TSPEAR: variants seen among roughly 807,000 people sequenced by gnomAD.
The protein encoded by TSPEAR is thrombospondin type laminin G domain and EAR repeats.
A neutral mutation model predicts 71.6 loss-of-function variants in TSPEAR; 69 were observed. The observed-to-expected ratio is 0.96, with a 90% CI of 0.79 to 1.18. TSPEAR has a LOEUF of 1.18. Ranked by LOEUF, TSPEAR falls within the 50% of genes most tolerant of loss-of-function variation. The pLI, the probability that TSPEAR is intolerant of heterozygous loss-of-function variation, is 0.00. For missense variants in TSPEAR, 971 were observed against 894.9 expected, an observed-to-expected ratio of 1.09 and a Z score of -1.09; for synonymous variants, 402 against 387.2, an observed-to-expected ratio of 1.04 and a Z score of -0.45.
At chr21:44,616,271 C>G (rs73907067) in intron 1 of TSPEAR, among the ~76,000 whole-genome samples, 1 of 152,152 alleles carries the variant, frequency 6.6e-6, no homozygotes, top group South Asian at 2.1e-4. Context: ...GGGAGGTGGA[C>G]GCTCTCACGG....
At position 44,711,273 on chromosome 21, in the gene TSPEAR, G is replaced by A. The variant is rs541926100; in HGVS notation, c.82+160C>T. Among the ~76,000 whole-genome samples, 8 of 152,122 alleles carry A rather than the reference G, an allele frequency of 5.3e-5. 1 individual carries two copies. The South Asian group carries it at 1.7e-3, about 32-fold the overall frequency. The stretch of plus-strand genomic sequence containing the variant: ...CATCTTCCCCACCTGTGCTCCTCCC[G>A]CCTCTGCCCATCTCCACAGGGTGCT... On this transcript the variant is annotated intron_variant, in intron 1 of 11. Coordinates refer to ENST00000323084, the MANE Select transcript of TSPEAR (RefSeq NM_144991.3). This position sits in a 1 kb window ranked among gnomAD's most constrained non-coding sequence, Gnocchi z 4.5.
intron 11 of TSPEAR, among the ~76,000 whole-genome samples, chr21:44,503,241 C>G (rs2052085362): frequency 7.4e-6 from 1 of 135,214 alleles, no homozygotes; most frequent in Non-Finnish European, 1.6e-5. Context: ...CCTTGGTGAG[C>G]CCACGGGGGG....
Position 44,591,434 on chromosome 21 carries a change from G to A in TSPEAR, c.83-23429C>T, listed in dbSNP as rs139053807. The A allele has an allele frequency of 4.4e-3, 7,127 of 1,610,134 alleles. 270 individuals are homozygous for A. The African/African-American group carries it at 0.088, about 20-fold the overall frequency. ...GAGCAGAGGCTGTAGCAGGCAGGGC[G>A]GGAGCACATGGGGCGGCAGAGGAGG... On this transcript the variant is annotated intron_variant, in intron 1 of 11. Coordinates refer to ENST00000323084, the MANE Select transcript of TSPEAR (RefSeq NM_144991.3).
chr21:44,501,321 C>T (rs1037873961), intron 11 of TSPEAR, among the ~76,000 whole-genome samples: 7 of 152,016 alleles, frequency 4.6e-5, no homozygotes, highest in Admixed American at 6.6e-5. Flanking sequence ...ATGGGCTAGG[C>T]GCAGTGGCTC....
chr21:44,560,520 A>G (rs1236213513), intron 2 of TSPEAR, among the ~76,000 whole-genome samples: 1 of 152,204 alleles, frequency 6.6e-6, no homozygotes, highest in Non-Finnish European at 1.5e-5. Flanking sequence ...CCCCAAATCA[A>G]CAGAAGATAC....
chr21:44,602,698 G>A (rs1981037283), intron 1 of TSPEAR, among the ~76,000 whole-genome samples: 1 of 152,342 alleles, frequency 6.6e-6, no homozygotes, highest in Middle Eastern at 3.4e-3. Flanking sequence ...CAGTCCCCGG[G>A]TACATCACCG....
rs982348524 is a variant in TSPEAR at position 44,531,202 on chromosome 21, C to T, written c.543-69G>A. 34 of 1,264,520 alleles carry T rather than the reference C, an allele frequency of 2.7e-5. No individual in the cohort carries two copies. The East Asian group carries it at 7.2e-4, about 27-fold the overall frequency. The allele number at this position is 1,264,520 out of a possible 1,614,324, so 78.3% of individuals were successfully genotyped here. A position where few individuals can be genotyped will look rare whatever the true frequency, so the allele number is the denominator to read the frequency against. On this transcript the variant is annotated intron_variant, in intron 3 of 11. Coordinates refer to ENST00000323084, the MANE Select transcript of TSPEAR (RefSeq NM_144991.3). Reference sequence around the variant, plus strand: ...CACCCCAGTTTACTCACAGAAGGAACAGGAACAAGCCCCTCACTAAGCAGC... The same window carrying T: ...CACCCCAGTTTACTCACAGAAGGAATAGGAACAAGCCCCTCACTAAGCAGC...
chr21:44,590,356 T>C (rs1412438687), intron 1 of TSPEAR, among the ~76,000 whole-genome samples: 4 of 151,636 alleles, frequency 2.6e-5, no homozygotes, highest in Non-Finnish European at 4.4e-5. Context: ...CCTAGGAGGC[T>C]GGGGGTGTGG....
At chr21:44,564,872 CAT>C (rs1186598199) in intron 2 of TSPEAR, among the ~76,000 whole-genome samples, 90 of 152,060 alleles carry the variant, frequency 5.9e-4, no homozygotes, top group African/African-American at 2.0e-3. Context: ...TAGCATAGGA[CAT>C]ATGTTAGGCC....
Position 44,499,942 on chromosome 21 carries a change from G to A in TSPEAR, c.1857-6C>T. 6.2e-7 allele frequency: 1 copy of A among 1,601,978 alleles called. No individual in the cohort carries two copies. The highest frequency in any genetic ancestry group is 8.5e-7 in the Non-Finnish European group (1 of 1,176,368). Reference sequence around the variant, plus strand: ...AGCCCTCGTAGCCCTGCCACCTGCGGAACAGACAGCGGCAGCCGGGTCAGC... The same window carrying A: ...AGCCCTCGTAGCCCTGCCACCTGCGAAACAGACAGCGGCAGCCGGGTCAGC... On this transcript the variant is annotated splice_polypyrimidine_tract_variant and splice_region_variant and intron_variant, in intron 11 of 11. Transcript: ENST00000323084.
intron 2 of TSPEAR, among the ~76,000 whole-genome samples, chr21:44,538,362 G>T (rs587695541): frequency 6.6e-6 from 1 of 150,592 alleles, no homozygotes; most frequent in Non-Finnish European, 1.5e-5. Context: ...CTGTGTGCCC[G>T]CACCGGCATC....
At chr21:44,672,233 A>G (rs73234809) in intron 1 of TSPEAR, among the ~76,000 whole-genome samples, 6,005 of 152,316 alleles carry the variant, frequency 0.039, 130 homozygotes, top group Middle Eastern at 0.085. Context: ...CTAATATTGG[A>G]TGTTCCAGAA....
intron 1 of TSPEAR, among the ~76,000 whole-genome samples, chr21:44,598,271 T>C (rs1162148616): frequency 5.9e-5 from 9 of 152,376 alleles, no homozygotes; most frequent in Admixed American, 3.3e-4. Context: ...AAAGTTTAAA[T>C]GTTTAGCCAA....
intron 1 of TSPEAR, among the ~76,000 whole-genome samples, chr21:44,648,386 G>C (rs1984565800): frequency 1.3e-5 from 2 of 152,180 alleles, no homozygotes; most frequent in African/African-American, 4.8e-5. Context: ...AGAGGACCTT[G>C]AACCAGAAAG....
At chr21:44,594,859 G>T (rs1393055384) in intron 1 of TSPEAR, among the ~76,000 whole-genome samples, 25 of 125,604 alleles carry the variant, frequency 2.0e-4, no homozygotes, top group African/African-American at 6.7e-4. Context: ...GTCTCACTCT[G>T]TTGCCCAGGC....
chr21:44,638,965 A>G (rs1983852796), intron 1 of TSPEAR, among the ~76,000 whole-genome samples: 1 of 151,890 alleles, frequency 6.6e-6, no homozygotes, highest in Admixed American at 6.6e-5. Flanking sequence ...ACAGTAAGAC[A>G]TTGGGACCAC....
chr21:44,588,397 G>A, intron 1 of TSPEAR, among the ~76,000 whole-genome samples: 1 of 152,136 alleles, frequency 6.6e-6, no homozygotes, highest in East Asian at 1.9e-4. Context: ...CACAGATGTG[G>A]TGAACAGGGA....
chr21:44,634,305 G>A (rs1335513585), intron 1 of TSPEAR, among the ~76,000 whole-genome samples: 1 of 152,098 alleles, frequency 6.6e-6, no homozygotes, highest in Non-Finnish European at 1.5e-5. Context: ...TCATAAAGTT[G>A]CACTACATCT....
chr21:44,543,015 A>G (rs1170960616), intron 2 of TSPEAR, among the ~76,000 whole-genome samples: 1 of 152,220 alleles, frequency 6.6e-6, no homozygotes, highest in Non-Finnish European at 1.5e-5. Flanking sequence ...AAAGAAAAGA[A>G]GCACAAAGCT....
Sources: gnomAD v4.1 joint callset for allele counts (sites outside exome capture counted in the v4.1 genomes callset) on GRCh38, gnomAD v4.1.1 for gene constraint, Gnocchi (gnomAD v3.1) non-coding constraint, MANE v1.5 for transcripts, NCBI Gene and HGNC (gene_info 2026-07-23, HGNC 2026-07-21) for gene names.